Variants in LHFPL6 observed in about 807,000 individuals in gnomAD.
LHFPL6 encodes the protein LHFPL tetraspan subfamily member 6 protein.
In LHFPL6, 9 loss-of-function variants were observed where a neutral mutation model predicts 20.6. That is an observed-to-expected ratio of 0.44 (90% CI 0.26 to 0.76). The LOEUF is 0.76. Among genes scored for constraint, LHFPL6 ranks in the 30% least tolerant of loss-of-function variants. The pLI, the probability that LHFPL6 is intolerant of heterozygous loss-of-function variation, is 0.20. For missense variants in LHFPL6, 218 were observed against 253.5 expected (o/e 0.86, Z 0.95); for synonymous variants, 105 against 98.7 (o/e 1.06, Z -0.38).
intron 2 of LHFPL6, among the ~76,000 whole-genome samples, chr13:39,420,139 A>G (rs1871443782): frequency 1.3e-5 from 2 of 152,160 alleles, no homozygotes; most frequent in Admixed American, 1.3e-4. Flanking sequence ...CTCTTCTCCC[A>G]CAGCTCTTTT....
chr13:39,467,568 C>T lies in LHFPL6; in HGVS notation c.386-89042G>A, dbSNP rs566041677. Among the ~76,000 whole-genome samples, 36 of 152,246 alleles carry T rather than the reference C, an allele frequency of 2.4e-4. 1 individual carries two copies. In the South Asian group the frequency reaches 7.5e-3, roughly 32 times the overall value. ...CTGGATAAAGCTGTTCTCTGAAGTT[C>T]CCTTATCTACCTGGAAACTAGATCC... On this transcript the variant is annotated intron_variant, in intron 2 of 3. Coordinates refer to ENST00000379589, the MANE Select transcript of LHFPL6 (RefSeq NM_005780.3).
chr13:39,422,058 C>T (rs1380231640), intron 2 of LHFPL6, among the ~76,000 whole-genome samples: 1 of 152,156 alleles, frequency 6.6e-6, no homozygotes, highest in Non-Finnish European at 1.5e-5. Flanking sequence ...AGGAGATGAT[C>T]ATATCTCATG....
chr13:39,511,226 T>G (rs1566128774), intron 2 of LHFPL6, among the ~76,000 whole-genome samples: 1 of 152,182 alleles, frequency 6.6e-6, no homozygotes. Context: ...TCATGGGTAT[T>G]TAATGTAATG....
intron 2 of LHFPL6, among the ~76,000 whole-genome samples, chr13:39,509,097 T>C (rs760698331): frequency 7.9e-5 from 12 of 152,214 alleles, no homozygotes; most frequent in Admixed American, 3.3e-4. Flanking sequence ...AAATGATAAA[T>C]GATGGTGAAC....
chr13:39,592,932 C>T (rs1231248555), intron 2 of LHFPL6, among the ~76,000 whole-genome samples: 1 of 152,152 alleles, frequency 6.6e-6, no homozygotes, highest in African/African-American at 2.4e-5. Flanking sequence ...ACCCTTCATG[C>T]TAAAAACTCT....
At chr13:39,507,825 C>A (rs1015778210) in intron 2 of LHFPL6, among the ~76,000 whole-genome samples, 3 of 152,020 alleles carry the variant, frequency 2.0e-5, no homozygotes, top group Admixed American at 6.5e-5. Context: ...AGGTACACAG[C>A]AAGTAAATGA....
At chr13:39,347,018 T>TGCA (rs1356792899) in intron 3 of LHFPL6, among the ~76,000 whole-genome samples, 2 of 147,778 alleles carry the variant, frequency 1.4e-5, no homozygotes, top group Non-Finnish European at 3.0e-5. Flanking sequence ...AGGCGGAGGT[T>TGCA]GCAGTGAGCC....
At chr13:39,464,790 A>G (rs1872763940) in intron 2 of LHFPL6, among the ~76,000 whole-genome samples, 1 of 151,664 alleles carries the variant, frequency 6.6e-6, no homozygotes, top group Admixed American at 6.6e-5. Context: ...CCTATTCCAG[A>G]GAACTGGGAA....
At chr13:39,460,765 C>T (rs1296761528) in intron 2 of LHFPL6, among the ~76,000 whole-genome samples, 1 of 152,210 alleles carries the variant, frequency 6.6e-6, no homozygotes, top group Non-Finnish European at 1.5e-5. Flanking sequence ...AAAAGACTTG[C>T]TCTGTGTTTC....
intron 2 of LHFPL6, among the ~76,000 whole-genome samples, chr13:39,510,910 T>C (rs1426829786): frequency 6.6e-6 from 1 of 151,994 alleles, no homozygotes; most frequent in Admixed American, 6.6e-5. Context: ...TTCGCTCTTA[T>C]TGCCCAGGCT....
intron 2 of LHFPL6, among the ~76,000 whole-genome samples, chr13:39,583,158 G>A (rs1026356218): frequency 6.8e-6 from 1 of 146,620 alleles, no homozygotes; most frequent in African/African-American, 2.5e-5. Flanking sequence ...AAATGTACAG[G>A]ATGCCAAATT....
chr13:39,481,281 G>A (rs1868510363), intron 2 of LHFPL6, among the ~76,000 whole-genome samples: 1 of 152,160 alleles, frequency 6.6e-6, no homozygotes, highest in South Asian at 2.1e-4. Flanking sequence ...ACTTCAAACT[G>A]TTTATTTCAT....
At chr13:39,430,457 T>TTA (rs1871763564) in intron 2 of LHFPL6, among the ~76,000 whole-genome samples, 1 of 152,184 alleles carries the variant, frequency 6.6e-6, no homozygotes, top group Non-Finnish European at 1.5e-5. Flanking sequence ...CTCCTCACAG[T>TTA]TATTAATCTC....
chr13:39,402,167 T>C (rs1593299074), intron 2 of LHFPL6, among the ~76,000 whole-genome samples: 1 of 152,238 alleles, frequency 6.6e-6, no homozygotes, highest in Non-Finnish European at 1.5e-5. Context: ...GATATACTTA[T>C]TTCTATAAAA....
intron 2 of LHFPL6, among the ~76,000 whole-genome samples, chr13:39,433,553 A>C (rs138403547): frequency 3.6e-3 from 544 of 152,356 alleles, no homozygotes; most frequent in Middle Eastern, 0.017. Flanking sequence ...CTGGACATGT[A>C]CATCTGTTCA....
At chr13:39,362,075 C>T (rs1376075199) in intron 3 of LHFPL6, among the ~76,000 whole-genome samples, 1 of 152,186 alleles carries the variant, frequency 6.6e-6, no homozygotes, top group Non-Finnish European at 1.5e-5. Context: ...CAAATATAAA[C>T]AAGAATTTGA....
At chr13:39,431,821 C>A (rs1256128854) in intron 2 of LHFPL6, among the ~76,000 whole-genome samples, 1 of 151,924 alleles carries the variant, frequency 6.6e-6, no homozygotes, top group African/African-American at 2.4e-5. Context: ...AGCTATCACT[C>A]CAGCCCAAGT....
chr13:39,369,103 C>A (rs1593287851), intron 3 of LHFPL6, among the ~76,000 whole-genome samples: 8 of 128,748 alleles, frequency 6.2e-5, no homozygotes, highest in South Asian at 2.5e-4. Context: ...AAAAGGACAA[C>A]ACTGAAAAAA....
chr13:39,582,287 C>G (rs1383213126), intron 2 of LHFPL6, among the ~76,000 whole-genome samples: 1 of 152,212 alleles, frequency 6.6e-6, no homozygotes, highest in Admixed American at 6.5e-5. Context: ...ATCTCGCTCT[C>G]TTTCTGTCTT....
Sources: gnomAD v4.1 joint callset for allele counts (sites outside exome capture counted in the v4.1 genomes callset) on GRCh38, gnomAD v4.1.1 for gene constraint, MANE v1.5 for transcripts, NCBI Gene and HGNC (gene_info 2026-07-23, HGNC 2026-07-21) for gene names.